Variants in PRRX2 observed in about 807,000 individuals in gnomAD.
PRRX2 encodes paired mesoderm homeobox protein 2.
Under a neutral mutation model 18.0 loss-of-function variants are expected in PRRX2, and 11 were observed. That is an observed-to-expected ratio of 0.61 (90% CI 0.39 to 1.01). The LOEUF (loss-of-function observed/expected upper bound fraction) is 1.01, where lower values mean the gene tolerates loss of function less well. PRRX2 is among the 50% of genes least tolerant of loss of function. The probability of loss-of-function intolerance (pLI) is 0.01; values close to 1 mark genes in which losing one functional copy is unlikely to be tolerated. For missense variants in PRRX2, 387 were observed against 351.0 expected (o/e 1.10, Z -0.82); for synonymous variants, 177 against 154.8 (o/e 1.14, Z -1.06).
intron 1 of PRRX2, among the ~76,000 whole-genome samples, chr9:129,711,099 T>A (rs759432785): frequency 1.6e-4 from 24 of 152,084 alleles, no homozygotes; most frequent in Non-Finnish European, 3.2e-4. Flanking sequence ...CCATACACTG[T>A]TAAGCCACCA....
rs930407518 is a variant in PRRX2 at position 129,671,437 on chromosome 9, C to T, written c.259+5311C>T. ...GGGGCCTGGCACAGGGGGCTTAGAC[C>T]GGCTTGCCCTTCTCTGTGAGCAGAA... On this transcript the variant is annotated intron_variant, in intron 1 of 3. Transcript: ENST00000372469. This position sits in a 1 kb window ranked among gnomAD's most constrained non-coding sequence, Gnocchi z 4.0. Among the ~76,000 whole-genome samples, 7 of 152,136 alleles carry T rather than the reference C, an allele frequency of 4.6e-5. No individual in the cohort carries two copies. The highest frequency in any genetic ancestry group is 1.4e-4 in the African/African-American group (6 of 41,430).
intron 1 of PRRX2, among the ~76,000 whole-genome samples, chr9:129,711,258 C>T (rs1348993412): frequency 6.6e-6 from 1 of 152,082 alleles, no homozygotes; most frequent in Non-Finnish European, 1.5e-5. Context: ...CTTTCCTGGT[C>T]ATGTGGCATC....
At chr9:129,673,948 G>T (rs1832133856) in intron 1 of PRRX2, among the ~76,000 whole-genome samples, 1 of 152,124 alleles carries the variant, frequency 6.6e-6, no homozygotes, top group Non-Finnish European at 1.5e-5. Context: ...TCAGCATCCC[G>T]CAGGTAGGGA....
At chr9:129,705,302 C>A (rs1175526036) in intron 1 of PRRX2, among the ~76,000 whole-genome samples, 1 of 152,170 alleles carries the variant, frequency 6.6e-6, no homozygotes, top group Non-Finnish European at 1.5e-5. Flanking sequence ...AGGGGAGGCT[C>A]CTGCTAGGGC....
At position 129,720,869 on chromosome 9, in the gene PRRX2, C is replaced by T. The variant is rs1469856905; in HGVS notation, c.626+95C>T. ...GACTCCTCTGAGGGTCTGGAGAGAG[C>T]TTGAATGGTGTCCACGCGCCCCTGG... On this transcript the variant is annotated intron_variant, in intron 3 of 3. Transcript: ENST00000372469. 5 of 1,318,898 alleles carry T rather than the reference C, an allele frequency of 3.8e-6. No homozygotes were observed. The African/African-American group carries it at 4.5e-5, about 12-fold the overall frequency. The allele number at this position is 1,318,898 out of a possible 1,614,324, so 81.7% of individuals were successfully genotyped here. A position where few individuals can be genotyped will look rare whatever the true frequency, so the allele number is the denominator to read the frequency against.
chr9:129,666,978 G>A (rs1482314731), intron 1 of PRRX2, among the ~76,000 whole-genome samples: 1 of 141,478 alleles, frequency 7.1e-6, no homozygotes, highest in East Asian at 2.3e-4. Flanking sequence ...CCTCCCACCC[G>A]CCCCGGGGGA....
intron 1 of PRRX2, among the ~76,000 whole-genome samples, chr9:129,704,018 G>T (rs1481257514): frequency 2.0e-5 from 3 of 152,272 alleles, no homozygotes; most frequent in Admixed American, 6.5e-5. Context: ...AGGACAGAGA[G>T]AACTGACTTT....
chr9:129,688,010 C>T (rs1170909351), intron 1 of PRRX2, among the ~76,000 whole-genome samples: 1 of 152,068 alleles, frequency 6.6e-6, no homozygotes, highest in Non-Finnish European at 1.5e-5. Context: ...GTCCTCCTGC[C>T]TAAGCCTCCT....
rs201177337 is a variant in PRRX2, at chr9:129,683,191, AC to A, written c.259+17069del. On this transcript the variant is annotated intron_variant, in intron 1 of 3. Coordinates refer to ENST00000372469, the MANE Select transcript of PRRX2 (RefSeq NM_016307.4). ...TGGGTGAAGTCACTGCCCATCAGGA[AC>A]CCCTCCTGGGACTCCCTTCATAACA... is the stretch of plus-strand genomic sequence containing the variant. Among the ~76,000 whole-genome samples the A allele has an allele frequency of 5.6e-3, 845 of 151,914 alleles. 8 individuals are homozygous for A. The highest frequency in any genetic ancestry group is 0.021 in the Middle Eastern group (6 of 292).
intron 1 of PRRX2, among the ~76,000 whole-genome samples, chr9:129,701,182 A>T (rs1318473094): frequency 6.6e-6 from 1 of 152,212 alleles, no homozygotes; most frequent in Non-Finnish European, 1.5e-5. Context: ...CGCTCACACT[A>T]ACGTGAGGAA....
At chr9:129,710,948 T>C (rs1832610521) in intron 1 of PRRX2, among the ~76,000 whole-genome samples, 1 of 152,168 alleles carries the variant, frequency 6.6e-6, no homozygotes, top group South Asian at 2.1e-4. Context: ...CCGGCCTGAC[T>C]GTGGCCCACC....
chr9:129,680,400 C>CAAA (rs1207606607), intron 1 of PRRX2, among the ~76,000 whole-genome samples: 1 of 85,808 alleles, frequency 1.2e-5, no homozygotes, highest in Non-Finnish European at 2.1e-5. Flanking sequence ...GACTCCGTCT[C>CAAA]AAAAAAAAAA....
In PRRX2 at chr9:129,709,153, G is replaced by A. The variant is rs1832589823; in HGVS notation, c.260-10078G>A. Among the ~76,000 whole-genome samples, 1 of 152,150 alleles carries A rather than the reference G, an allele frequency of 6.6e-6. No individual in the cohort carries two copies. Among genetic ancestry groups the A allele is most frequent in the Admixed American group, 6.5e-5 (1 of 15,274 alleles). ...GGATGGGGGAAGGGTGCCCTAGCTA[G>A]AGGGAACAGCAGATACCAAGGCCCA... On this transcript the variant is annotated intron_variant, in intron 1 of 3. Coordinates refer to ENST00000372469, the MANE Select transcript of PRRX2 (RefSeq NM_016307.4). The surrounding 1 kb of genome is among the most constrained non-coding windows in gnomAD (Gnocchi z 4.2).
chr9:129,716,144 A>G (rs1006674927), intron 1 of PRRX2, among the ~76,000 whole-genome samples: 1 of 152,242 alleles, frequency 6.6e-6, no homozygotes, highest in African/African-American at 2.4e-5. Flanking sequence ...ATTTGGCCAC[A>G]TCTAGCATTC....
intron 1 of PRRX2, among the ~76,000 whole-genome samples, chr9:129,693,598 CAAAAAAAA>C (rs61440612): frequency 0.27 from 28,891 of 105,330 alleles, 4,453 homozygotes; most frequent in African/African-American, 0.51. Context: ...AACTCTGTCT[CAAAAAAAA>C]AAAAAAAAAA....
chr9:129,689,019 G>A (rs950754393), intron 1 of PRRX2, among the ~76,000 whole-genome samples: 1 of 152,316 alleles, frequency 6.6e-6, no homozygotes, highest in East Asian at 1.9e-4. Context: ...AAGTGTGCAC[G>A]AGGCCAGAAA....
chr9:129,666,829 CG>C (rs1171867915), intron 1 of PRRX2, among the ~76,000 whole-genome samples: 2 of 152,182 alleles, frequency 1.3e-5, no homozygotes, highest in Non-Finnish European at 2.9e-5. Flanking sequence ...AGGGGAGGAC[CG>C]GAGTCCTCGC....
At chr9:129,693,406 C>T (rs1398649254) in intron 1 of PRRX2, among the ~76,000 whole-genome samples, 1 of 152,040 alleles carries the variant, frequency 6.6e-6, no homozygotes, top group African/African-American at 2.4e-5. Context: ...CAAGCCTGGC[C>T]AACATGGCGA....
chr9:129,678,775 C>G (rs1832192039), intron 1 of PRRX2, among the ~76,000 whole-genome samples: 1 of 152,120 alleles, frequency 6.6e-6, no homozygotes, highest in African/African-American at 2.4e-5. Context: ...AGAGTGGCCA[C>G]TCACTCCGGC....
Sources: allele counts gnomAD v4.1 joint callset (sites outside exome capture counted in the v4.1 genomes callset), GRCh38; gene constraint gnomAD v4.1.1; non-coding constraint Gnocchi (gnomAD v3.1); transcripts MANE v1.5; gene names NCBI Gene and HGNC (gene_info 2026-07-23, HGNC 2026-07-21).